The following CCDC186 variants were observed in gnomAD, a reference collection of about 807,000 sequenced individuals.
CCDC186 encodes coiled-coil domain containing 186.
Under a neutral mutation model 113.7 loss-of-function variants are expected in CCDC186, and 49 were observed. That is an observed-to-expected ratio of 0.43 (90% CI 0.34 to 0.55). The LOEUF (loss-of-function observed/expected upper bound fraction) is 0.55, where lower values mean the gene tolerates loss of function less well. CCDC186 is among the 20% of genes least tolerant of loss of function. CCDC186 has a pLI of 0.02. For missense variants in CCDC186, 890 were observed against 1,011.1 expected (o/e 0.88, Z 1.62); for synonymous variants, 355 against 345.8 (o/e 1.03, Z -0.30).
At chr10:114,169,703 A>G (rs1434638703) in intron 1 of CCDC186, among the ~76,000 whole-genome samples, 1 of 152,238 alleles carries the variant, frequency 6.6e-6, no homozygotes, top group African/African-American at 2.4e-5. Flanking sequence ...AACACCTTGA[A>G]AGCAGCATAA....
rs773778341 is a variant in CCDC186, at chr10:114,132,148, C to T, written c.1692G>A (p.Val564=). The change falls in exon 11 of 16, where the codon GTG becomes GTA. Residue 564 remains valine (V), a synonymous_variant. Transcript: ENST00000369287. ...CATTAATCAAAGAATTAAGACTTTC[C>T]ACTTCTTCTTTCAAATTTTCAATTT... ...KQEIENLKEE[V]ESLNSLINDL... 1.2e-6 allele frequency: 2 copies of T among 1,602,268 alleles called. No individual in the cohort carries two copies. Among genetic ancestry groups the T allele is most frequent in the East Asian group, 2.2e-5 (1 of 44,714 alleles).
chr10:114,131,606 G>A (rs2031090220), intron 11 of CCDC186, among the ~76,000 whole-genome samples: 1 of 152,134 alleles, frequency 6.6e-6, no homozygotes, highest in African/African-American at 2.4e-5. Context: ...ATTTTTATGA[G>A]TAACTTGAAG....
intron 4 of CCDC186, among the ~76,000 whole-genome samples, chr10:114,146,200 G>C (rs1053069143): frequency 5.3e-5 from 8 of 152,206 alleles, no homozygotes; most frequent in African/African-American, 1.9e-4. Flanking sequence ...CTCCTCCAGA[G>C]TTCCCACAGG....
At chr10:114,129,028 C>T (rs1344780896) in intron 13 of CCDC186, among the ~76,000 whole-genome samples, 3 of 152,036 alleles carry the variant, frequency 2.0e-5, no homozygotes, top group African/African-American at 7.2e-5. Flanking sequence ...AGGGGCTGGG[C>T]GCGGAGGCTC....
intron 2 of CCDC186, among the ~76,000 whole-genome samples, chr10:114,159,632 C>T (rs762232883): frequency 2.0e-3 from 261 of 128,652 alleles, no homozygotes; most frequent in Middle Eastern, 0.01. Context: ...CAGAGCGAGA[C>T]TCCGTCTCAA....
intron 2 of CCDC186, 130 bp from the exon 3 acceptor site, chr10:114,157,810 TTCCTA>T: frequency 5.7e-6 from 4 of 700,778 alleles, no homozygotes; most frequent in Non-Finnish European, 8.7e-6. Flanking sequence ...TAAATTAACA[TTCCTA>T]AATAATCATT....
At chr10:114,135,571 G>C (rs1589611411) in intron 9 of CCDC186, among the ~76,000 whole-genome samples, 1 of 152,110 alleles carries the variant, frequency 6.6e-6, no homozygotes, top group East Asian at 1.9e-4. Flanking sequence ...TTCTGACACA[G>C]TTCTAAGGTC....
intron 14 of CCDC186, 22 bp from the exon 15 acceptor site, chr10:114,126,127 TC>T (rs1564903591): frequency 6.3e-7 from 1 of 1,591,588 alleles, no homozygotes; most frequent in East Asian, 2.2e-5. Context: ...AATGATAGTA[TC>T]AGTTGTGTAC....
chr10:114,130,398 C>A (rs1441948315), intron 12 of CCDC186: 1 of 155,572 alleles, frequency 6.4e-6, no homozygotes, highest in Admixed American at 6.5e-5. Flanking sequence ...TATTTTAACA[C>A]AAATAAAGCC....
At chr10:114,130,589 A>T in intron 12 of CCDC186, 1 of 152,286 alleles carries the variant, frequency 6.6e-6, no homozygotes. Context: ...TGTTTCTTGA[A>T]ACCCAGGTGA....
intron 1 of CCDC186, among the ~76,000 whole-genome samples, chr10:114,168,630 G>A (rs2032402686): frequency 6.6e-6 from 1 of 152,014 alleles, no homozygotes; most frequent in Non-Finnish European, 1.5e-5. Flanking sequence ...CCCCTTATGA[G>A]TCATCCCCGA....
Position 114,162,637 on chromosome 10 carries a change from T to C in CCDC186, c.632A>G (p.Lys211Arg). ...TAACCTAAAGGTATAAAAAACTTACTTTTTTATGATATGTTCCTGCTGCAA... is the reference window on the plus strand; with the variant it reads ...TAACCTAAAGGTATAAAAAACTTACCTTTTTATGATATGTTCCTGCTGCAA... ...KYLQQEHIIKKLIKENKKHQE... is the reference protein window; with the variant it reads ...KYLQQEHIIKRLIKENKKHQE... Residue 211 changes from lysine (K) to arginine (R), a missense_variant and splice_region_variant, in exon 2 of 16, where the codon AAG (lysine) becomes AGG (arginine). Physicochemically the swap from Lys to Arg is conservative, Grantham distance 26 (BLOSUM62 2). Transcript: ENST00000369287. The C allele has an allele frequency of 6.5e-7, 1 of 1,547,776 alleles. No homozygotes were observed. Among genetic ancestry groups the C allele is most frequent in the Non-Finnish European group, 8.7e-7 (1 of 1,151,862 alleles).
At chr10:114,159,839 G>A (rs1344659987) in intron 2 of CCDC186, among the ~76,000 whole-genome samples, 1 of 152,044 alleles carries the variant, frequency 6.6e-6, no homozygotes, top group African/African-American at 2.4e-5. Context: ...GTGCGCACCT[G>A]TTGTCCAAGC....
At chr10:114,165,281 C>T (rs189161475) in intron 1 of CCDC186, among the ~76,000 whole-genome samples, 39 of 152,304 alleles carry the variant, frequency 2.6e-4, no homozygotes, top group Non-Finnish European at 4.0e-4. Flanking sequence ...TACAAATAAA[C>T]GGAGTAAATA....
At chr10:114,131,864 A>G in intron 11 of CCDC186, 65 bp downstream of exon 11, 1 of 1,405,370 alleles carries the variant, frequency 7.1e-7, no homozygotes. Context: ...TTACTTTTAT[A>G]CTGTTAGGGA....
At chr10:114,169,234 C>CTTTTTT (rs34677282) in intron 1 of CCDC186, among the ~76,000 whole-genome samples, 83 of 97,494 alleles carry the variant, frequency 8.5e-4, no homozygotes, top group African/African-American at 9.4e-4. Context: ...TAGTACCATT[C>CTTTTTT]TTTTTTTTTT....
At chr10:114,128,929 C>G (rs11812672) in intron 13 of CCDC186, among the ~76,000 whole-genome samples, 10 of 152,278 alleles carry the variant, frequency 6.6e-5, no homozygotes, top group African/African-American at 2.4e-4. Context: ...CACCAAATCT[C>G]TTTGTATGAA....
Position 114,125,927 on chromosome 10 carries a change from C to T in CCDC186, c.2572G>A (p.Ala858Thr). Residue 858 changes from alanine (A) to threonine (T), a missense_variant, in exon 15 of 16, where the codon GCT (alanine) becomes ACT (threonine). Physicochemically the swap from Ala to Thr is moderately conservative, Grantham distance 58. Coordinates refer to ENST00000369287, the MANE Select transcript of CCDC186 (RefSeq NM_018017.4). ...TTTAGTAACGTATCCTCCAAAACAG[C>T]CTGTAATTTTCGGTTGATTTCCAAA... ...LSLEINRKLQAVLEDTLLKNI... is the reference protein window; with the variant it reads ...LSLEINRKLQTVLEDTLLKNI... 1.2e-6 allele frequency: 2 copies of T among 1,613,922 alleles called. No homozygotes were observed. Among genetic ancestry groups the T allele is most frequent in the Non-Finnish European group, 1.7e-6 (2 of 1,179,920 alleles).
chr10:114,121,645 C>CGAAA lies in CCDC186; in HGVS notation c.*3497_*3498insTTTC, dbSNP rs1300673395. ...GAACCACCAGGAAAACAGCAATTTGCTTTCAGCGTACCTTTGCAAGGATGT... is the reference window on the plus strand; with the variant it reads ...GAACCACCAGGAAAACAGCAATTTGCGAAATTTCAGCGTACCTTTGCAAGGATGT... On this transcript the variant is annotated 3_prime_UTR_variant, in exon 16 of 16. Coordinates refer to ENST00000369287, the MANE Select transcript of CCDC186 (RefSeq NM_018017.4). 3 of 152,098 alleles carry CGAAA rather than the reference C, an allele frequency of 2.0e-5. No homozygotes were observed. Among genetic ancestry groups the CGAAA allele is most frequent in the Admixed American group, 2.0e-4 (3 of 15,256 alleles). The allele number at this position is 152,098 out of a possible 1,614,324, so 9.4% of individuals were successfully genotyped here.
Sources: allele counts gnomAD v4.1 joint callset (sites outside exome capture counted in the v4.1 genomes callset), GRCh38; gene constraint gnomAD v4.1.1; transcripts MANE v1.5; gene names NCBI Gene and HGNC (gene_info 2026-07-23, HGNC 2026-07-21).